The following PIH1D2 variants were observed in gnomAD, a reference collection of about 807,000 sequenced individuals.
PIH1D2 encodes PIH1 domain-containing protein 2.
A neutral mutation model predicts 31.2 loss-of-function variants in PIH1D2; 25 were observed. The observed-to-expected ratio is 0.80, with a 90% CI of 0.58 to 1.12. The LOEUF is 1.12. Among genes scored for constraint, PIH1D2 ranks in the 50% most tolerant of loss-of-function variants. PIH1D2 has a pLI of 0.00. For synonymous variants in PIH1D2, 116 were observed against 119.9 expected (o/e 0.97, Z 0.21); for missense variants, 310 against 356.6 (o/e 0.87, Z 1.05).
chr11:112,071,071 C>T lies in PIH1D2; in HGVS notation c.514G>A (p.Asp172Asn), dbSNP rs1592752479. The change falls in exon 4 of 6, where the codon GAT becomes AAT. Residue 172 changes from aspartate to asparagine, a missense_variant. Asp to Asn is a conservative substitution (Grantham distance 23). Transcript: ENST00000280350. ...MKQNLMGIQT[D>N]SIDLREKMRR... is the part of the protein sequence containing the mutation. The stretch of plus-strand genomic sequence containing the variant: ...ATTTTTTCTCTTAAATCTATGGAAT[C>T]AGTTTGGATTCCCATCAGATTTTGT... The T allele has an allele frequency of 6.2e-7, 1 of 1,613,344 alleles. No homozygotes were observed. Among genetic ancestry groups the T allele is most frequent in the Middle Eastern group, 1.7e-4 (1 of 6,052 alleles).
chr11:112,073,930 C>G (rs1463782000), intron 1 of PIH1D2, 50 bp downstream of exon 1: 39 of 155,440 alleles, frequency 2.5e-4, no homozygotes, highest in Non-Finnish European at 8.5e-5. Context: ...GCAAACCCAC[C>G]TCTTCTCTCA....
chr11:112,068,479 C>T (rs587618394), intron 5 of PIH1D2, among the ~76,000 whole-genome samples: 1 of 152,180 alleles, frequency 6.6e-6, no homozygotes, highest in South Asian at 2.1e-4. Flanking sequence ...GACCATTTTG[C>T]AAGTCAAATT....
chr11:112,067,814 G>A lies in PIH1D2; in HGVS notation c.*57C>T. 4 of 1,584,758 alleles carry A rather than the reference G, an allele frequency of 2.5e-6. No individual in the cohort carries two copies. The highest frequency in any genetic ancestry group is 3.4e-6 in the Non-Finnish European group (4 of 1,169,504). On this transcript the variant is annotated 3_prime_UTR_variant, in exon 6 of 6. Coordinates refer to ENST00000280350, the MANE Select transcript of PIH1D2 (RefSeq NM_138789.4). Reference sequence around the variant, plus strand: ...TACTACCTCTTTAGCCAAAATGAAGGTCCTTTAATTCACATGACTTTAGCA... The same window carrying A: ...TACTACCTCTTTAGCCAAAATGAAGATCCTTTAATTCACATGACTTTAGCA...
intron 5 of PIH1D2, 65 bp downstream of exon 5, chr11:112,070,371 G>A: frequency 6.5e-7 from 1 of 1,539,066 alleles, no homozygotes; most frequent in South Asian, 1.2e-5. Context: ...GTTTGTTACT[G>A]TGGCATAATA....
At chr11:112,068,059 C>A in intron 5 of PIH1D2, 54 bp from the exon 6 acceptor site, 1 of 1,242,074 alleles carries the variant, frequency 8.1e-7, no homozygotes, top group Non-Finnish European at 1.1e-6. Flanking sequence ...GGGATACTAA[C>A]TTATTGTTCC....
At chr11:112,059,809 A>G (rs782396072), downstream of PIH1D2, 60 of 1,173,292 alleles carry the variant, frequency 5.1e-5, no homozygotes, top group Non-Finnish European at 7.0e-5. Flanking sequence ...TGGTTCAAAA[A>G]ATTTTTGAAG....
At chr11:112,064,133 C>A, downstream of PIH1D2, 1 of 1,482,960 alleles carries the variant, frequency 6.7e-7, no homozygotes, top group Non-Finnish European at 9.1e-7. Context: ...TCACAAGGGA[C>A]CATCATCAAT....
At chr11:112,055,849 T>C in the PIH1D2 span, among the ~76,000 whole-genome samples, 1 of 35,088 alleles carries the variant, frequency 2.8e-5, no homozygotes, top group African/African-American at 1.4e-4. Context: ...ATATAGACAC[T>C]TTTTTTTTTT....
chr11:112,060,230 C>G (rs1003096990), downstream of PIH1D2, among the ~76,000 whole-genome samples: 6 of 140,400 alleles, frequency 4.3e-5, no homozygotes, highest in Non-Finnish European at 7.5e-5. Flanking sequence ...GGCATGATCT[C>G]GGCTCACTGC....
the PIH1D2 span, among the ~76,000 whole-genome samples, chr11:112,055,848 C>CTT: frequency 5.3e-3 from 169 of 31,978 alleles, 79 homozygotes; most frequent in East Asian, 0.013. Flanking sequence ...CATATAGACA[C>CTT]TTTTTTTTTT....
intron 5 of PIH1D2, among the ~76,000 whole-genome samples, chr11:112,069,191 TAGGGTTTCACCA>T (rs1865036671): frequency 6.6e-6 from 1 of 151,230 alleles, no homozygotes. Context: ...TTAGTAGAGA[TAGGGTTTCACCA>T]TGTTGCCCAG....
At position 112,072,780 on chromosome 11, in the gene PIH1D2, C is replaced by T. The variant is rs923615606; in HGVS notation, c.177+218G>A. 1.5e-4 allele frequency: 61 copies of T among 416,596 alleles called. 1 individual carries two copies. Among genetic ancestry groups the T allele is most frequent in the Admixed American group, 1.3e-3 (35 of 26,504 alleles). 25.8% of individuals were successfully genotyped at this position (416,596 alleles called of 1,614,324 possible). A position where few individuals can be genotyped will look rare whatever the true frequency, so the allele number is the denominator to read the frequency against. ...TTGGGAGGCTGAGGCAGGAGAATCG[C>T]TTAAACCCGGGAGGCAGAGGTTGCA... is the stretch of plus-strand genomic sequence containing the variant. On this transcript the variant is annotated intron_variant, in intron 2 of 5. Transcript: ENST00000280350.
chr11:112,073,753 G>C (rs1225044676), intron 1 of PIH1D2, among the ~76,000 whole-genome samples: 3 of 152,080 alleles, frequency 2.0e-5, no homozygotes, highest in Non-Finnish European at 2.9e-5. Flanking sequence ...AGAGAGGCTG[G>C]GACACTTCTC....
chr11:112,063,086 G>A (rs587679511), downstream of PIH1D2: 7 of 154,664 alleles, frequency 4.5e-5, no homozygotes, highest in African/African-American at 1.4e-4. Flanking sequence ...AGGAAAATAA[G>A]TGAAATTTTA....
chr11:112,062,718 T>C (rs1432272610), downstream of PIH1D2: 3 of 653,080 alleles, frequency 4.6e-6, no homozygotes, highest in Non-Finnish European at 7.6e-6. Flanking sequence ...CACCCAAATA[T>C]TGTGCACATT....
chr11:112,062,264 C>G, downstream of PIH1D2: 2 of 868,508 alleles, frequency 2.3e-6, no homozygotes, highest in Non-Finnish European at 3.5e-6. Flanking sequence ...TAAATTTGAG[C>G]TAAAGGTATA....
chr11:112,070,501 TTTTCAGAGG>T lies in PIH1D2; in HGVS notation c.739_747del (p.Pro247_Lys249del). The stretch of plus-strand genomic sequence containing the variant: ...CCAGGTAATTCAACTTTCAACTCAA[TTTTCAGAGG>T]TTTCTCACTGTGATCATGCACAATT... On this transcript the variant is annotated inframe_deletion, in exon 5 of 6. Transcript: ENST00000280350. 1 of 1,614,104 alleles carries T rather than the reference TTTTCAGAGG, an allele frequency of 6.2e-7. No individual in the cohort carries two copies. Among genetic ancestry groups the T allele is most frequent in the South Asian group, 1.1e-5 (1 of 91,082 alleles).
downstream of PIH1D2, chr11:112,061,499 G>A (rs782333001): frequency 3.8e-5 from 12 of 314,194 alleles, no homozygotes; most frequent in Admixed American, 4.2e-4. Flanking sequence ...TTTGATCCAT[G>A]GTTGGTTGAA....
At chr11:112,064,111 GAAAC>G, downstream of PIH1D2, 1 of 1,372,648 alleles carries the variant, frequency 7.3e-7, no homozygotes, top group Non-Finnish European at 9.8e-7. Context: ...TTATCCAAAA[GAAAC>G]AAGCTTATCA....
Sources: gnomAD v4.1 joint callset for allele counts (sites outside exome capture counted in the v4.1 genomes callset) on GRCh38, gnomAD v4.1.1 for gene constraint, MANE v1.5 for transcripts, NCBI Gene and HGNC (gene_info 2026-07-23, HGNC 2026-07-21) for gene names.